The following PRTFDC1 variants were observed in gnomAD, a reference collection of about 807,000 sequenced individuals.
The protein encoded by PRTFDC1 is phosphoribosyl transferase domain containing 1, also known as phosphoribosyltransferase domain-containing protein 1.
A neutral mutation model predicts 34.6 loss-of-function variants in PRTFDC1; 38 were observed. That is an observed-to-expected ratio of 1.10 (90% CI 0.85 to 1.44). The LOEUF (loss-of-function observed/expected upper bound fraction) is 1.44. Among genes scored for constraint, PRTFDC1 ranks in the 40% most tolerant of loss-of-function variants. PRTFDC1 has a pLI of 0.00. For missense variants in PRTFDC1, 270 were observed against 283.0 expected (o/e 0.95, Z 0.33); for synonymous variants, 93 against 98.1 (o/e 0.95, Z 0.31).
intron 3 of PRTFDC1, among the ~76,000 whole-genome samples, chr10:24,898,463 CAAAAAAA>C (rs36004025): frequency 1.0e-5 from 1 of 98,120 alleles, no homozygotes; most frequent in Admixed American, 1.3e-4. Context: ...GACCCTGTCT[CAAAAAAA>C]AAAAAAAAAA....
intron 3 of PRTFDC1, among the ~76,000 whole-genome samples, chr10:24,929,280 T>C (rs1340447044): frequency 1.3e-5 from 2 of 151,980 alleles, no homozygotes; most frequent in African/African-American, 4.8e-5. Flanking sequence ...AGAGAAAAAA[T>C]GTATTTAGCG....
chr10:24,910,406 T>C (rs1848608739), intron 3 of PRTFDC1, among the ~76,000 whole-genome samples: 1 of 152,208 alleles, frequency 6.6e-6, no homozygotes, highest in South Asian at 2.1e-4. Flanking sequence ...TCTCATTTCA[T>C]GTATAATGGA....
chr10:24,887,191 C>T (rs1486020567), intron 3 of PRTFDC1, among the ~76,000 whole-genome samples: 3 of 151,210 alleles, frequency 2.0e-5, no homozygotes, highest in Non-Finnish European at 2.9e-5. Context: ...AGGATGGTCT[C>T]GATCTCCTGA....
At chr10:24,922,421 T>G (rs1434234651) in intron 3 of PRTFDC1, among the ~76,000 whole-genome samples, 3 of 152,216 alleles carry the variant, frequency 2.0e-5, no homozygotes, top group Non-Finnish European at 4.4e-5. Context: ...ATTGTAATAA[T>G]CTCCATGTGT....
At chr10:24,940,294 T>G (rs993257433) in intron 2 of PRTFDC1, among the ~76,000 whole-genome samples, 5 of 152,142 alleles carry the variant, frequency 3.3e-5, no homozygotes, top group Non-Finnish European at 7.3e-5. Context: ...AGACAAACCA[T>G]AGGCTGGGAG....
rs2132629700 is a variant in PRTFDC1, at chr10:24,952,403, C to T, written c.48+125G>A. ...GTCCGAGGATGGAAGCGATCCCCGC[C>T]GGGAGGGAGAACAAAGCGGTGGCCC... On this transcript the variant is annotated intron_variant, in intron 1 of 8. Coordinates refer to ENST00000320152, the MANE Select transcript of PRTFDC1 (RefSeq NM_020200.7). The surrounding 1 kb of genome is among the most constrained non-coding windows in gnomAD (Gnocchi z 5.1). The T allele has an allele frequency of 8.7e-7, 1 of 1,143,212 alleles. No homozygotes were observed. Among genetic ancestry groups the T allele is most frequent in the Non-Finnish European group, 1.3e-6 (1 of 785,826 alleles). 70.8% of individuals were successfully genotyped at this position (1,143,212 alleles called of 1,614,324 possible).
At chr10:24,916,841 G>A (rs918429031) in intron 3 of PRTFDC1, among the ~76,000 whole-genome samples, 1 of 152,200 alleles carries the variant, frequency 6.6e-6, no homozygotes, top group Non-Finnish European at 1.5e-5. Context: ...TTTGGCGAGT[G>A]AATGGGCTAT....
intron 3 of PRTFDC1, among the ~76,000 whole-genome samples, chr10:24,887,034 A>T (rs1848180192): frequency 7.6e-6 from 1 of 132,002 alleles, no homozygotes; most frequent in Non-Finnish European, 1.6e-5. Flanking sequence ...GCAGTGGCGC[A>T]ATCTCGGCTC....
intron 3 of PRTFDC1, among the ~76,000 whole-genome samples, chr10:24,877,714 C>T (rs1004418757): frequency 1.3e-5 from 2 of 152,118 alleles, no homozygotes; most frequent in Admixed American, 1.3e-4. Flanking sequence ...TCCACCTCCC[C>T]AGTTCAAGCG....
intron 3 of PRTFDC1, among the ~76,000 whole-genome samples, chr10:24,932,796 T>C (rs908999745): frequency 2.0e-5 from 3 of 152,036 alleles, no homozygotes; most frequent in Admixed American, 2.0e-4. Context: ...TAAATTTATA[T>C]GGAAAGACAA....
chr10:24,857,518 G>A (rs921908984), intron 5 of PRTFDC1, among the ~76,000 whole-genome samples: 2 of 152,246 alleles, frequency 1.3e-5, no homozygotes, highest in South Asian at 2.1e-4. Flanking sequence ...CAGTGAGCTC[G>A]GGCTCATCTC....
chr10:24,906,238 G>C (rs1454139908), intron 3 of PRTFDC1, among the ~76,000 whole-genome samples: 2 of 152,104 alleles, frequency 1.3e-5, no homozygotes, highest in Non-Finnish European at 2.9e-5. Context: ...CCTCTTGGCT[G>C]TGTAGAGAGC....
chr10:24,917,582 T>G (rs1848714274), intron 3 of PRTFDC1, among the ~76,000 whole-genome samples: 1 of 152,208 alleles, frequency 6.6e-6, no homozygotes. Context: ...TTTTTAGTTT[T>G]ATTTTGTTCT....
rs758867608 is a variant in PRTFDC1, at chr10:24,952,498, C to G, written c.48+30G>C. On this transcript the variant is annotated intron_variant, in intron 1 of 8. Coordinates refer to ENST00000320152, the MANE Select transcript of PRTFDC1 (RefSeq NM_020200.7). The surrounding 1 kb of genome is among the most constrained non-coding windows in gnomAD (Gnocchi z 5.1). ...GTGCCAGGGAGGGAGGGGAGCGGGCCGAGCCCCAAAATAGGGAGTTTGCAT... is the reference window on the plus strand; with the variant it reads ...GTGCCAGGGAGGGAGGGGAGCGGGCGGAGCCCCAAAATAGGGAGTTTGCAT... 20 of 1,568,300 alleles carry G rather than the reference C, an allele frequency of 1.3e-5. No homozygotes were observed. The highest frequency in any genetic ancestry group is 1.7e-5 in the Non-Finnish European group (20 of 1,155,710).
Position 24,856,947 on chromosome 10 carries a change from C to G in PRTFDC1, c.472G>C (p.Glu158Gln), listed in dbSNP as rs201465831. 1.2e-6 allele frequency: 2 copies of G among 1,613,760 alleles called. No individual in the cohort carries two copies. The highest frequency in any genetic ancestry group is 1.7e-6 in the Non-Finnish European group (2 of 1,179,662). Residue 158 changes from glutamate (E) to glutamine (Q), a missense_variant, in exon 6 of 9, where the codon GAG becomes CAG. Glu to Gln is a conservative substitution (Grantham distance 29, BLOSUM62 2). Transcript: ENST00000320152. The stretch of plus-strand genomic sequence containing the variant: ...TTAATCATGTTGGGCTTGTATTTCT[C>G]TATATTGCTGAGTAGTGCTTTCATG... Reference protein sequence around the residue: ...RTMKALLSNIEKYKPNMIKVA... With the variant: ...RTMKALLSNIQKYKPNMIKVA...
At chr10:24,913,163 G>A (rs768610008) in intron 3 of PRTFDC1, among the ~76,000 whole-genome samples, 7 of 152,164 alleles carry the variant, frequency 4.6e-5, no homozygotes, top group Non-Finnish European at 8.8e-5. Context: ...AACTTCACTA[G>A]GGCTGCCCAG....
At chr10:24,939,195 G>A (rs567034004) in intron 2 of PRTFDC1, among the ~76,000 whole-genome samples, 2 of 151,340 alleles carry the variant, frequency 1.3e-5, no homozygotes, top group East Asian at 3.9e-4. Context: ...CAGCTACTCA[G>A]GAAGCTGAGG....
intron 3 of PRTFDC1, chr10:24,908,789 C>T (rs1848580685): frequency 7.0e-7 from 1 of 1,426,234 alleles, no homozygotes; most frequent in African/African-American, 1.4e-5. Context: ...TGACTGATGC[C>T]ACAGCCAGAT....
In PRTFDC1 at chr10:24,921,311, C is replaced by A. The variant is rs1430128637; in HGVS notation, c.339+15873G>T. On this transcript the variant is annotated intron_variant, in intron 3 of 8. Transcript: ENST00000320152. ...TGGAAGTGTGAGTTGGGGCAGACTT[C>A]TGAGCCTGCCTTCTAGCTATCTTTC... Among the ~76,000 whole-genome samples, 3 of 152,162 alleles carry A rather than the reference C, an allele frequency of 2.0e-5. No homozygotes were observed. In the East Asian group the frequency reaches 5.8e-4, roughly 29 times the overall value.
Sources: allele counts gnomAD v4.1 joint callset (sites outside exome capture counted in the v4.1 genomes callset), GRCh38; gene constraint gnomAD v4.1.1; non-coding constraint Gnocchi (gnomAD v3.1); transcripts MANE v1.5; gene names NCBI Gene and HGNC (gene_info 2026-07-23, HGNC 2026-07-21).